The following AP3M2 variants were observed in gnomAD, a reference collection of about 807,000 sequenced individuals.
AP3M2 encodes adaptor related protein complex 3 subunit mu 2.
In AP3M2, 28 loss-of-function variants were observed where a neutral mutation model predicts 41.6. The ratio of observed to expected loss-of-function variants is 0.67; its 90% CI spans 0.50 to 0.92. The LOEUF (loss-of-function observed/expected upper bound fraction) is 0.92, where lower values mean the gene tolerates loss of function less well. Ranked by LOEUF, AP3M2 falls within the 40% of genes least tolerant of loss-of-function variation. AP3M2 has a pLI of 0.00. For synonymous variants in AP3M2, 193 were observed against 186.4 expected, an observed-to-expected ratio of 1.04 and a Z score of -0.29; for missense variants, 427 against 521.4, an observed-to-expected ratio of 0.82 and a Z score of 1.76.
Position 42,167,224 on chromosome 8 carries a change from T to G in AP3M2, c.864T>G (p.Leu288=), listed in dbSNP as rs1212054554. The G allele has an allele frequency of 2.5e-6, 4 of 1,614,144 alleles. No homozygotes were observed. The highest frequency in any genetic ancestry group is 3.4e-6 in the Non-Finnish European group (4 of 1,180,018). The change falls in exon 7 of 9, where the codon CTT becomes CTG. Residue 288 remains leucine (L), a synonymous_variant. Coordinates refer to ENST00000396926, the MANE Select transcript of AP3M2 (RefSeq NM_006803.4). ...HNISFRDSSS[L]GRFEITVGPK... is the part of the protein sequence containing the mutation. The stretch of plus-strand genomic sequence containing the variant: ...TCAGTTTCCGGGACAGTAGTTCCCT[T>G]GGACGCTTTGAAATAACGGTGGGAC...
Position 42,154,767 on chromosome 8 carries a change from C to G in AP3M2, c.80C>G (p.Ser27Cys). The G allele has an allele frequency of 6.2e-7, 1 of 1,614,166 alleles. No homozygotes were observed. The highest frequency in any genetic ancestry group is 8.5e-7 in the Non-Finnish European group (1 of 1,180,042). Residue 27 changes from serine (S) to cysteine (C), a missense_variant, in exon 2 of 9, where the codon TCT becomes TGT. Physicochemically the swap from Ser to Cys is moderately radical, Grantham distance 112 (BLOSUM62 -1). Coordinates refer to ENST00000396926, the MANE Select transcript of AP3M2 (RefSeq NM_006803.4). ...CATTGGAAAAGTGTGGTCAGCCGTT[C>G]TGTTTGTGATTACTTTTTTGAGGCG... ...EKHWKSVVSRSVCDYFFEAQE... is the reference protein window; with the variant it reads ...EKHWKSVVSRCVCDYFFEAQE...
intron 6 of AP3M2, chr8:42,166,856 TA>T: frequency 3.1e-6 from 1 of 321,758 alleles, no homozygotes; most frequent in South Asian, 3.6e-5. Flanking sequence ...TGTTACAAGT[TA>T]AAAACATGGA....
intron 4 of AP3M2, among the ~76,000 whole-genome samples, chr8:42,164,671 A>C (rs1281884960): frequency 6.6e-6 from 1 of 152,232 alleles, no homozygotes; most frequent in Non-Finnish European, 1.5e-5. Flanking sequence ...GTGACCACTC[A>C]CTTTAGCAGC....
At chr8:42,157,377 A>G (rs1316156193) in intron 2 of AP3M2, among the ~76,000 whole-genome samples, 1 of 152,236 alleles carries the variant, frequency 6.6e-6, no homozygotes, top group Middle Eastern at 3.2e-3. Context: ...CACAATGCAG[A>G]TAATTTAGCA....
Position 42,165,395 on chromosome 8 carries a change from ACTT to A in AP3M2, c.670-28_670-26del, listed in dbSNP as rs745407754. ...AAAGCACTGCGGGTGTTTAATGCCC[ACTT>A]CTTGCTTCTCCTCTCCTGATGACTG... On this transcript the variant is annotated intron_variant, in intron 5 of 8. Transcript: ENST00000396926. The A allele has an allele frequency of 1.5e-5, 24 of 1,608,838 alleles. No homozygotes were observed. The African/African-American group carries it at 2.7e-4, about 18-fold the overall frequency.
chr8:42,154,742 CAT>C lies in AP3M2; in HGVS notation c.56_57del (p.His19LeufsTer11). The C allele has an allele frequency of 6.2e-7, 1 of 1,614,134 alleles. No homozygotes were observed. Among genetic ancestry groups the C allele is most frequent in the African/African-American group, 1.3e-5 (1 of 75,030 alleles). On this transcript the variant is annotated frameshift_variant, in exon 2 of 9. Transcript: ENST00000396926. LOFTEE classifies it high-confidence loss of function. ...NSSGDIFLEK[H>X]WKSVVSRSVC... ...CTCTGGAGACATTTTCCTGGAGAAA[CAT>C]TGGAAAAGTGTGGTCAGCCGTTCTG...
rs567121533 is a variant in AP3M2, at chr8:42,168,950, C to T, written c.1157-11C>T. The T allele has an allele frequency of 2.5e-6, 4 of 1,587,296 alleles. No individual in the cohort carries two copies. In the South Asian group the frequency reaches 3.4e-5, roughly 14 times the overall value. On this transcript the variant is annotated splice_polypyrimidine_tract_variant and intron_variant, in intron 8 of 8. Coordinates refer to ENST00000396926, the MANE Select transcript of AP3M2 (RefSeq NM_006803.4). ...ACTCATGTCTATTTTCCCTCTCTCC[C>T]TCCTTTCTAGGACTCAAGGTGAATC... is the stretch of plus-strand genomic sequence containing the variant.
Position 42,154,840 on chromosome 8 carries a change from C to T in AP3M2, c.153C>T (p.Thr51=). The stretch of plus-strand genomic sequence containing the variant: ...AAAATGTGCCTCCGGTTATCCCTAC[C>T]CCTCACCACTATCTCTTAAGTGTTT... The part of the protein sequence containing the change: ...EAENVPPVIP[T]PHHYLLSVYR... The change falls in exon 2 of 9, where the codon ACC becomes ACT. Residue 51 remains threonine (T), a synonymous_variant. Transcript: ENST00000396926. The T allele has an allele frequency of 6.2e-7, 1 of 1,614,100 alleles. No homozygotes were observed. The highest frequency in any genetic ancestry group is 8.5e-7 in the Non-Finnish European group (1 of 1,180,014).
intron 1 of AP3M2, chr8:42,154,268 C>T (rs1424451445): frequency 1.1e-5 from 2 of 174,938 alleles, no homozygotes; most frequent in Admixed American, 1.1e-4. Context: ...TCTTGGAAGC[C>T]CTCTTCAAAG....
At chr8:42,167,864 C>T in intron 8 of AP3M2, 54 bp downstream of exon 8, 2 of 1,561,138 alleles carry the variant, frequency 1.3e-6, no homozygotes, top group Non-Finnish European at 1.7e-6. Flanking sequence ...GGCTTTCTGC[C>T]ATATGGCGCA....
intron 2 of AP3M2, among the ~76,000 whole-genome samples, chr8:42,157,040 C>A (rs1028565439): frequency 2.0e-5 from 3 of 152,140 alleles, no homozygotes; most frequent in Admixed American, 6.6e-5. Flanking sequence ...TTCCTTCATT[C>A]TATGAGTTCA....
Position 42,167,379 on chromosome 8 carries a change from T to A in AP3M2, c.1011+8T>A. ...TTCGACCCAGTCACAAAGGTAGGGA[T>A]GAGCAGGACATCTTGAATTGCTGAT... On this transcript the variant is annotated splice_region_variant and intron_variant, in intron 7 of 8. Transcript: ENST00000396926. 6.2e-7 allele frequency: 1 copy of A among 1,612,798 alleles called. No individual in the cohort carries two copies. Among genetic ancestry groups the A allele is most frequent in the Non-Finnish European group, 8.5e-7 (1 of 1,178,836 alleles).
chr8:42,169,063 G>A lies in AP3M2; in HGVS notation c.*2G>A, dbSNP rs749180125. 9 of 1,602,060 alleles carry A rather than the reference G, an allele frequency of 5.6e-6. No homozygotes were observed. The East Asian group carries it at 1.6e-4, about 28-fold the overall frequency. ...GGGAAGTTCCAAGTTCGAACCTGAA[G>A]GGAGCATTTGCTGAGGGAATAGTCT... On this transcript the variant is annotated 3_prime_UTR_variant, in exon 9 of 9. Transcript: ENST00000396926.
At chr8:42,160,640 A>T (rs1410919380) in intron 3 of AP3M2, among the ~76,000 whole-genome samples, 1 of 152,206 alleles carries the variant, frequency 6.6e-6, no homozygotes, top group Non-Finnish European at 1.5e-5. Context: ...TATTTAATCC[A>T]TTTGAAAATT....
intron 5 of AP3M2, 80 bp downstream of exon 5, chr8:42,165,236 T>G (rs1804607925): frequency 6.7e-7 from 1 of 1,499,096 alleles, no homozygotes; most frequent in Non-Finnish European, 9.1e-7. Context: ...GGGAATGGAA[T>G]AGAACAAGAA....
chr8:42,157,970 G>A lies in AP3M2; in HGVS notation c.303G>A (p.Val101=). 2 of 1,614,046 alleles carry A rather than the reference G, an allele frequency of 1.2e-6. No individual in the cohort carries two copies. Among genetic ancestry groups the A allele is most frequent in the East Asian group, 2.2e-5 (1 of 44,864 alleles). Residue 101 remains valine, a synonymous_variant, in exon 3 of 9, where the codon GTG becomes GTA. Transcript: ENST00000396926. ...ATTTTGGAGTCTGTTCAGAGCCAGTGATCAAAGACAATGTAGTTGTGGTTT... is the reference window on the plus strand; with the variant it reads ...ATTTTGGAGTCTGTTCAGAGCCAGTAATCAAAGACAATGTAGTTGTGGTTT... ...QDYFGVCSEP[V]IKDNVVVVYE...
At position 42,170,396 on chromosome 8, in the gene AP3M2, A is replaced by G. The variant is rs991584764; in HGVS notation, c.*1335A>G. The G allele has an allele frequency of 6.6e-6, 1 of 152,228 alleles. No homozygotes were observed. The highest frequency in any genetic ancestry group is 2.4e-5 in the African/African-American group (1 of 41,456). The allele number at this position is 152,228 out of a possible 1,614,324, so 9.4% of individuals were successfully genotyped here. A position where few individuals can be genotyped will look rare whatever the true frequency, so the allele number is the denominator to read the frequency against. On this transcript the variant is annotated 3_prime_UTR_variant, in exon 9 of 9. Transcript: ENST00000396926. ...GTGTAAGCAACCCAGTTTAAGAAACATGGCAACTAAAGGGATACCTCAGGC... is the reference window on the plus strand; with the variant it reads ...GTGTAAGCAACCCAGTTTAAGAAACGTGGCAACTAAAGGGATACCTCAGGC...
At chr8:42,167,404 T>C in intron 7 of AP3M2, 33 bp downstream of exon 7, 3 of 1,608,668 alleles carry the variant, frequency 1.9e-6, no homozygotes, top group Non-Finnish European at 2.6e-6. Context: ...GAATTGCTGA[T>C]GTTAAGCAGA....
rs1303554752 is a variant in AP3M2 at position 42,162,419 on chromosome 8, G to A, written c.583+1G>A. The A allele has an allele frequency of 1.9e-6, 3 of 1,601,342 alleles. No individual in the cohort carries two copies. The highest frequency in any genetic ancestry group is 1.7e-5 in the Admixed American group (1 of 57,746). ...ATTGATGCAATTATTGATAAATCAGGTAGGTGCTTTTAATATGTTCTCAGA... is the reference window on the plus strand; with the variant it reads ...ATTGATGCAATTATTGATAAATCAGATAGGTGCTTTTAATATGTTCTCAGA... On this transcript the variant is annotated splice_donor_variant, in intron 4 of 8. Transcript: ENST00000396926. LOFTEE classifies it high-confidence loss of function.
Sources: gnomAD v4.1 joint callset for allele counts (sites outside exome capture counted in the v4.1 genomes callset) on GRCh38, gnomAD v4.1.1 for gene constraint, MANE v1.5 for transcripts, NCBI Gene and HGNC (gene_info 2026-07-23, HGNC 2026-07-21) for gene names.